The following ITIH2 variants were observed in gnomAD, a reference collection of about 807,000 sequenced individuals.
ITIH2 encodes the protein inter-alpha-trypsin inhibitor heavy chain H2.
ITIH2 carries 103 observed loss-of-function variants against 104.4 expected under a neutral mutation model. The ratio of observed to expected loss-of-function variants is 0.99; its 90% confidence interval spans 0.84 to 1.16. The LOEUF (loss-of-function observed/expected upper bound fraction) is 1.16, where lower values mean the gene tolerates loss of function less well. ITIH2 is among the 50% of genes most tolerant of loss of function. The pLI is 0.00. For synonymous variants in ITIH2, 436 were observed against 435.4 expected (o/e 1.00, Z -0.02); for missense variants, 1,108 against 1,162.4 (o/e 0.95, Z 0.68).
At chr10:7,744,704 G>C in intron 18 of ITIH2, 87 bp from the exon 19 acceptor site, 1 of 1,104,068 alleles carries the variant, frequency 9.1e-7, no homozygotes, top group Non-Finnish European at 1.3e-6. Flanking sequence ...TGGGAGGAGT[G>C]AAGAGTTCAT....
At position 7,703,657 on chromosome 10, in the gene ITIH2, T is replaced by C. The variant is rs1308615080; in HGVS notation, c.84+139T>C. On this transcript the variant is annotated intron_variant, in intron 1 of 20. Transcript: ENST00000358415. Reference sequence around the variant, plus strand: ...AATTCATCTGAGTGCAAGTGTTTACTGTTATAATTACTGGAATGTATATTT... The same window carrying C: ...AATTCATCTGAGTGCAAGTGTTTACCGTTATAATTACTGGAATGTATATTT... 6.1e-5 allele frequency: 38 copies of C among 622,734 alleles called. No homozygotes were observed. The East Asian group carries it at 1.0e-3, about 17-fold the overall frequency. 38.6% of individuals were successfully genotyped at this position (622,734 alleles called of 1,614,324 possible). A position where few individuals can be genotyped will look rare whatever the true frequency, so the allele number is the denominator to read the frequency against.
chr10:7,722,341 T>A (rs1724576365), intron 8 of ITIH2, among the ~76,000 whole-genome samples: 3 of 152,038 alleles, frequency 2.0e-5, no homozygotes, highest in Admixed American at 2.0e-4. Flanking sequence ...CTGGATGCTG[T>A]AGTTTCCTGG....
In ITIH2 at chr10:7,713,089, C is replaced by T; in HGVS notation, c.363-92C>T. 1.2e-5 allele frequency: 12 copies of T among 966,436 alleles called. No individual in the cohort carries two copies. In the Admixed American group the frequency reaches 1.6e-4, roughly 13 times the overall value. The allele number at this position is 966,436 out of a possible 1,614,324, so 59.9% of individuals were successfully genotyped here. On this transcript the variant is annotated intron_variant, in intron 4 of 20. Transcript: ENST00000358415. ...GAACTGAGATTGCACCATTGCACTC[C>T]AGCCTGGGTGACAGAGCAAGACTCC...
At chr10:7,745,094 G>A in intron 19 of ITIH2, 131 bp downstream of exon 19, 1 of 741,196 alleles carries the variant, frequency 1.3e-6, no homozygotes, top group Non-Finnish European at 2.2e-6. Context: ...ACATAGCAGT[G>A]TGGGGTCGCT....
chr10:7,726,568 AAG>A (rs1834952877), intron 9 of ITIH2, among the ~76,000 whole-genome samples: 2 of 152,170 alleles, frequency 1.3e-5, no homozygotes, highest in African/African-American at 4.8e-5. Flanking sequence ...AAGCTAGAGA[AAG>A]AGGGTGATGG....
intron 8 of ITIH2, among the ~76,000 whole-genome samples, chr10:7,723,047 A>G (rs1285047324): frequency 9.7e-6 from 1 of 103,316 alleles, no homozygotes; most frequent in African/African-American, 3.8e-5. Context: ...GGGTGAAGTG[A>G]AGTGGCATGG....
intron 7 of ITIH2, 141 bp downstream of exon 7, chr10:7,721,104 C>T (rs1027791965): frequency 1.1e-5 from 7 of 617,928 alleles, no homozygotes; most frequent in Admixed American, 2.8e-5. Flanking sequence ...CAAGTAGAGC[C>T]TAGGGCCTCC....
In ITIH2 at chr10:7,732,480, AAGAAG is replaced by A. The variant is rs1377356369; in HGVS notation, c.1787+11_1787+15del. 5.3e-5 allele frequency: 86 copies of A among 1,611,772 alleles called. No homozygotes were observed. The highest frequency in any genetic ancestry group is 7.1e-5 in the Non-Finnish European group (84 of 1,178,122). ...ATCAACCAACTGCTAGCTGAACGGT[AAGAAG>A]AGAAGAGTACCCACACCACGAGATC... On this transcript the variant is annotated splice_donor_5th_base_variant and intron_variant, in intron 14 of 20. Coordinates refer to ENST00000358415, the MANE Select transcript of ITIH2 (RefSeq NM_002216.3).
chr10:7,738,359 C>A (rs535711364), intron 15 of ITIH2, among the ~76,000 whole-genome samples: 212 of 145,250 alleles, frequency 1.5e-3, no homozygotes, highest in African/African-American at 5.0e-3. Context: ...ACTGGAGTCA[C>A]GGGGCCCTTC....
At chr10:7,747,194 T>G (rs527326321) in intron 20 of ITIH2, among the ~76,000 whole-genome samples, 2 of 152,212 alleles carry the variant, frequency 1.3e-5, no homozygotes, top group Non-Finnish European at 2.9e-5. Context: ...GCATTCTGAG[T>G]GTAAAAGTCT....
intron 5 of ITIH2, among the ~76,000 whole-genome samples, chr10:7,715,266 C>T (rs564979999): frequency 4.0e-4 from 61 of 152,078 alleles, no homozygotes; most frequent in Admixed American, 2.6e-4. Context: ...ACTAAAATTA[C>T]GTAAATTAGC....
intron 4 of ITIH2, among the ~76,000 whole-genome samples, chr10:7,711,926 A>C (rs919124790): frequency 2.0e-5 from 3 of 152,194 alleles, no homozygotes; most frequent in Non-Finnish European, 4.4e-5. Context: ...CACTCTGACC[A>C]ACCATTACTT....
chr10:7,706,566 A>C (rs1834749190), intron 2 of ITIH2, among the ~76,000 whole-genome samples: 1 of 152,238 alleles, frequency 6.6e-6, no homozygotes, highest in Non-Finnish European at 1.5e-5. Context: ...TATGTAGCTT[A>C]GTTTAAAGGA....
In ITIH2 at chr10:7,738,741, C is replaced by G; in HGVS notation, c.2078C>G (p.Pro693Arg). Reference protein sequence around the residue: ...QGSQVLESTPPPHVMRVENDP... With the variant: ...QGSQVLESTPRPHVMRVENDP... ...TCTCAGGTGCTAGAGTCCACGCCAC[C>G]CCCACATGTGATGAGAGGTAACGCT... Residue 693 changes from proline to arginine, a missense_variant, in exon 16 of 21, where the codon CCC becomes CGC. Transcript: ENST00000358415. The G allele has an allele frequency of 2.5e-6, 4 of 1,611,254 alleles. No homozygotes were observed. Among genetic ancestry groups the G allele is most frequent in the Non-Finnish European group, 3.4e-6 (4 of 1,178,702 alleles).
At chr10:7,713,734 G>A (rs964260038) in intron 5 of ITIH2, among the ~76,000 whole-genome samples, 1 of 152,138 alleles carries the variant, frequency 6.6e-6, no homozygotes, top group Middle Eastern at 3.4e-3. Context: ...TTGAGATGAG[G>A]TCTTAATTTT....
At position 7,744,961 on chromosome 10, in the gene ITIH2, T is replaced by C; in HGVS notation, c.2579T>C (p.Ile860Thr). ...TTCTCACCTAAAGCCCACGGACTAA[T>C]AGGTAAAGTGTCTATTGACCATCTG... The part of the protein sequence containing the change: ...NKFSPKAHGL[I>T]GQFMQEPKIH... Residue 860 changes from isoleucine to threonine, a missense_variant and splice_region_variant, in exon 19 of 21, where the codon ATA (isoleucine) becomes ACA (threonine). Transcript: ENST00000358415. 1.9e-6 allele frequency: 3 copies of C among 1,613,458 alleles called. No individual in the cohort carries two copies. Among genetic ancestry groups the C allele is most frequent in the Non-Finnish European group, 2.5e-6 (3 of 1,179,494 alleles).
rs1270824031 is a variant in ITIH2 at position 7,717,638 on chromosome 10, T to C, written c.480T>C (p.Leu160=). The C allele has an allele frequency of 6.2e-7, 1 of 1,613,422 alleles. No homozygotes were observed. The highest frequency in any genetic ancestry group is 8.5e-7 in the Non-Finnish European group (1 of 1,179,542). Residue 160 remains leucine, a synonymous_variant, in exon 6 of 21, where the codon CTT becomes CTC. Coordinates refer to ENST00000358415, the MANE Select transcript of ITIH2 (RefSeq NM_002216.3). ...KTAGLVRSSA[L]DMENFRTEVN... ...CTTTCACCTTTAGGAGCAGCGCTCT[T>C]GATATGGAAAACTTCAGAACGGAAG... is the stretch of plus-strand genomic sequence containing the variant.
At chr10:7,737,244 C>T (rs1835063685) in intron 15 of ITIH2, among the ~76,000 whole-genome samples, 1 of 151,248 alleles carries the variant, frequency 6.6e-6, no homozygotes, top group Non-Finnish European at 1.5e-5. Context: ...ACAGTCCATG[C>T]TCTCTGAGTC....
rs902717179 is a variant in ITIH2, at chr10:7,733,022, C to T, written c.1787+545C>T. On this transcript the variant is annotated intron_variant, in intron 14 of 20. Transcript: ENST00000358415. ...GATTACAGGCATGAGCCACCGCACC[C>T]GGCCAAAATGCATTAATTTTAAGTG... Among the ~76,000 whole-genome samples the T allele has an allele frequency of 7.2e-5, 11 of 152,158 alleles. 1 individual carries two copies. Among genetic ancestry groups the T allele is most frequent in the Middle Eastern group, 3.4e-3 (1 of 294 alleles).
Sources: allele counts gnomAD v4.1 joint callset (sites outside exome capture counted in the v4.1 genomes callset), GRCh38; gene constraint gnomAD v4.1.1; transcripts MANE v1.5; gene names NCBI Gene and HGNC (gene_info 2026-07-23, HGNC 2026-07-21).